Variants in FSIP1 observed in about 807,000 individuals in gnomAD.
The protein encoded by FSIP1 is fibrous sheath-interacting protein 1.
In FSIP1, 65 loss-of-function variants were observed where a neutral mutation model predicts 60.9. The ratio of observed to expected loss-of-function variants is 1.07; its 90% confidence interval spans 0.87 to 1.31. The LOEUF is 1.31. Ranked by LOEUF, FSIP1 falls within the 40% of genes most tolerant of loss-of-function variation. The pLI, the probability that FSIP1 is intolerant of heterozygous loss-of-function variation, is 0.00. For missense variants in FSIP1, 675 were observed against 665.5 expected, an observed-to-expected ratio of 1.01 and a Z score of -0.16; for synonymous variants, 209 against 221.2, an observed-to-expected ratio of 0.94 and a Z score of 0.49.
chr15:39,618,298 T>A (rs1891315993), intron 10 of FSIP1, 53 bp from the exon 11 acceptor site: 3 of 1,432,474 alleles, frequency 2.1e-6, no homozygotes, highest in Non-Finnish European at 2.8e-6. Context: ...TAAACACATT[T>A]ATTTTTGGTA....
At chr15:39,661,323 A>G (rs1893287256) in intron 10 of FSIP1, among the ~76,000 whole-genome samples, 1 of 152,228 alleles carries the variant, frequency 6.6e-6, no homozygotes, top group Non-Finnish European at 1.5e-5. Flanking sequence ...TCTGTATACA[A>G]TAGATCTGGA....
At chr15:39,776,318 G>T (rs1187196137) in intron 2 of FSIP1, 81 bp downstream of exon 2, 2 of 1,333,002 alleles carry the variant, frequency 1.5e-6, no homozygotes, top group Non-Finnish European at 2.1e-6. Context: ...ATTTAAAATG[G>T]GATGTTAACA....
intron 5 of FSIP1, among the ~76,000 whole-genome samples, chr15:39,748,723 T>C (rs552920261): frequency 2.4e-4 from 37 of 151,942 alleles, no homozygotes; most frequent in African/African-American, 8.9e-4. Context: ...AGAAGAAAGA[T>C]CTCAAATAAG....
intron 9 of FSIP1, among the ~76,000 whole-genome samples, chr15:39,720,367 T>C (rs1002780308): frequency 6.6e-6 from 1 of 152,198 alleles, no homozygotes; most frequent in South Asian, 2.1e-4. Context: ...TTGTGTACAA[T>C]TGAATCAATA....
chr15:39,621,146 A>T (rs1231856375), intron 10 of FSIP1, among the ~76,000 whole-genome samples: 1 of 152,120 alleles, frequency 6.6e-6, no homozygotes, highest in Non-Finnish European at 1.5e-5. Flanking sequence ...AAAGATCACA[A>T]CAAATTACTG....
At chr15:39,699,141 T>C (rs2631695) in intron 10 of FSIP1, among the ~76,000 whole-genome samples, 124,029 of 152,144 alleles carry the variant, frequency 0.82, 50,998 homozygotes, top group Non-Finnish European at 0.87. Context: ...AGGAGACTTC[T>C]GCTTTTATCT....
chr15:39,746,469 C>G (rs1160257452), intron 5 of FSIP1, among the ~76,000 whole-genome samples: 2 of 152,162 alleles, frequency 1.3e-5, no homozygotes, highest in Admixed American at 1.3e-4. Flanking sequence ...AGAAAGGAAG[C>G]AGAAATCAGC....
intron 10 of FSIP1, among the ~76,000 whole-genome samples, chr15:39,664,375 C>T (rs1161052482): frequency 1.3e-5 from 2 of 151,972 alleles, no homozygotes; most frequent in Non-Finnish European, 2.9e-5. Context: ...AATTTAAGTT[C>T]CCTCAGACCT....
intron 3 of FSIP1, 30 bp downstream of exon 3, chr15:39,770,397 C>A (rs761668942): frequency 2.1e-6 from 3 of 1,435,238 alleles, no homozygotes; most frequent in Non-Finnish European, 2.8e-6. Flanking sequence ...TTGTAATTAT[C>A]ATTAGCCAAT....
intron 10 of FSIP1, among the ~76,000 whole-genome samples, chr15:39,645,298 G>A (rs971948528): frequency 6.6e-6 from 1 of 152,216 alleles, no homozygotes; most frequent in African/African-American, 2.4e-5. Context: ...GCAGCAGGGA[G>A]GCGTGGCTGG....
At position 39,711,556 on chromosome 15, in the gene FSIP1, A is replaced by C. The variant is rs578160629; in HGVS notation, c.1188+1888T>G. 5.9e-5 allele frequency among the ~76,000 whole-genome samples: 9 copies of C among 152,150 alleles called. No individual in the cohort carries two copies. The South Asian group carries it at 1.0e-3, about 18-fold the overall frequency. ...ATATGGAGTGAGAGGAAGTACCAACAGTTTTCAAAACCAATCAAACCAAAA... is the reference window on the plus strand; with the variant it reads ...ATATGGAGTGAGAGGAAGTACCAACCGTTTTCAAAACCAATCAAACCAAAA... On this transcript the variant is annotated intron_variant, in intron 10 of 11. Coordinates refer to ENST00000350221, the MANE Select transcript of FSIP1 (RefSeq NM_152597.5).
At position 39,714,839 on chromosome 15, in the gene FSIP1, C is replaced by T. The variant is rs181880435; in HGVS notation, c.1051-1258G>A. Among the ~76,000 whole-genome samples, 235 of 151,720 alleles carry T rather than the reference C, an allele frequency of 1.5e-3. 1 individual carries two copies. Among genetic ancestry groups the T allele is most frequent in the African/African-American group, 5.2e-3 (216 of 41,342 alleles). ...AAATAAAAAAATAATTAGCCAGACACGGTAACACCTACAGTCTCAGCCACT... is the reference window on the plus strand; with the variant it reads ...AAATAAAAAAATAATTAGCCAGACATGGTAACACCTACAGTCTCAGCCACT... On this transcript the variant is annotated intron_variant, in intron 9 of 11. Transcript: ENST00000350221.
chr15:39,702,893 G>A (rs905139210), intron 10 of FSIP1, among the ~76,000 whole-genome samples: 11 of 151,230 alleles, frequency 7.3e-5, no homozygotes, highest in African/African-American at 1.5e-4. Flanking sequence ...CTAACTAGTC[G>A]TATTACCTAT....
At chr15:39,738,459 G>A (rs1896694341) in intron 7 of FSIP1, among the ~76,000 whole-genome samples, 1 of 152,016 alleles carries the variant, frequency 6.6e-6, no homozygotes, top group African/African-American at 2.4e-5. Flanking sequence ...AAAATAATAT[G>A]AGCAGTTTTC....
intron 11 of FSIP1, among the ~76,000 whole-genome samples, chr15:39,615,104 G>GTA (rs1451970328): frequency 6.6e-6 from 1 of 152,084 alleles, no homozygotes; most frequent in Non-Finnish European, 1.5e-5. Flanking sequence ...CTCACTCCAT[G>GTA]TATAAAAATC....
At chr15:39,744,202 C>T (rs1011012327) in intron 5 of FSIP1, among the ~76,000 whole-genome samples, 3 of 151,994 alleles carry the variant, frequency 2.0e-5, no homozygotes, top group Non-Finnish European at 4.4e-5. Flanking sequence ...TTGTACTTTT[C>T]CTATGACTTT....
At chr15:39,649,404 A>G (rs1053117358) in intron 10 of FSIP1, among the ~76,000 whole-genome samples, 10 of 152,238 alleles carry the variant, frequency 6.6e-5, no homozygotes, top group African/African-American at 2.4e-4. Context: ...TTCAATCTCC[A>G]AGAACATTTG....
intron 10 of FSIP1, among the ~76,000 whole-genome samples, chr15:39,642,529 G>C (rs1325903127): frequency 2.6e-5 from 4 of 152,190 alleles, no homozygotes; most frequent in Non-Finnish European, 5.9e-5. Flanking sequence ...AATAAAGAAT[G>C]CTGCATGGGG....
intron 10 of FSIP1, among the ~76,000 whole-genome samples, chr15:39,640,297 A>G (rs1892309639): frequency 6.6e-6 from 1 of 152,196 alleles, no homozygotes; most frequent in Non-Finnish European, 1.5e-5. Flanking sequence ...AACCTATTAG[A>G]ATTTCTTCAA....
Sources: gnomAD v4.1 joint callset for allele counts (sites outside exome capture counted in the v4.1 genomes callset) on GRCh38, gnomAD v4.1.1 for gene constraint, MANE v1.5 for transcripts, NCBI Gene and HGNC (gene_info 2026-07-23, HGNC 2026-07-21) for gene names.